The following EML6 variants were observed in gnomAD, a reference collection of about 807,000 sequenced individuals.
EML6 encodes the protein echinoderm microtubule-associated protein-like 6.
A neutral mutation model predicts 240.1 loss-of-function variants in EML6; 154 were observed. The ratio of observed to expected loss-of-function variants is 0.64; its 90% CI spans 0.56 to 0.73. EML6 has a LOEUF of 0.73. EML6 is among the 30% of genes least tolerant of loss of function. The pLI is 0.00. For missense variants in EML6, 2,964 were observed against 2,474.6 expected (o/e 1.20, Z -4.20); for synonymous variants, 1,148 against 899.0 (o/e 1.28, Z -4.95).
intron 2 of EML6, among the ~76,000 whole-genome samples, chr2:54,748,007 C>T (rs1558523120): frequency 1.3e-5 from 2 of 152,106 alleles, no homozygotes; most frequent in African/African-American, 2.4e-5. Flanking sequence ...GAAACTTTCA[C>T]TTTAAAATGT....
chr2:54,868,140 A>T (rs1409061288), intron 14 of EML6: 1 of 152,148 alleles, frequency 6.6e-6, no homozygotes, highest in African/African-American at 2.4e-5. Context: ...AATATCTTAG[A>T]TGTGTTTTGG....
chr2:54,819,573 T>A (rs1668232783), intron 4 of EML6, among the ~76,000 whole-genome samples: 1 of 152,018 alleles, frequency 6.6e-6, no homozygotes, highest in Non-Finnish European at 1.5e-5. Flanking sequence ...GTCACAAGAT[T>A]GAGACCAGCC....
At chr2:54,905,558 C>T (rs1029805096) in intron 24 of EML6, among the ~76,000 whole-genome samples, 9 of 151,996 alleles carry the variant, frequency 5.9e-5, no homozygotes, top group Admixed American at 2.6e-4. Flanking sequence ...AAAAATGTAC[C>T]ATTTTAATCA....
chr2:54,932,899 TA>T (rs1047249975), intron 28 of EML6, among the ~76,000 whole-genome samples: 1 of 152,128 alleles, frequency 6.6e-6, no homozygotes, highest in African/African-American at 2.4e-5. Flanking sequence ...ATTTATAACA[TA>T]GGGGCTTTCA....
At chr2:54,835,717 T>G (rs1316783466) in intron 7 of EML6, among the ~76,000 whole-genome samples, 1 of 152,100 alleles carries the variant, frequency 6.6e-6, no homozygotes, top group Non-Finnish European at 1.5e-5. Flanking sequence ...GAGTGATTTT[T>G]TGGACATTTG....
rs1366404133 is a variant in EML6 at position 54,970,511 on chromosome 2, T to C, written c.*416T>C. ...TTTCTATATACTTCAAGAATGTTCA[T>C]TTTTACAAATAAGTTGAACAAGACA... On this transcript the variant is annotated 3_prime_UTR_variant, in exon 42 of 42. Transcript: ENST00000356458. 4.6e-5 allele frequency: 8 copies of C among 174,840 alleles called. No homozygotes were observed. The highest frequency in any genetic ancestry group is 8.6e-5 in the Non-Finnish European group (7 of 81,134). 10.8% of individuals were successfully genotyped at this position (174,840 alleles called of 1,614,324 possible). A position where few individuals can be genotyped will look rare whatever the true frequency, so the allele number is the denominator to read the frequency against.
intron 2 of EML6, among the ~76,000 whole-genome samples, chr2:54,790,474 C>A (rs1333831310): frequency 6.6e-6 from 1 of 152,118 alleles, no homozygotes; most frequent in East Asian, 1.9e-4. Flanking sequence ...ACAATATTTG[C>A]ACTCTTAATC....
chr2:54,728,880 TC>T (rs1683028251), intron 2 of EML6, among the ~76,000 whole-genome samples: 1 of 152,176 alleles, frequency 6.6e-6, no homozygotes, highest in African/African-American at 2.4e-5. Flanking sequence ...ATTCTTTGCT[TC>T]CCACTTGCCA....
intron 2 of EML6, among the ~76,000 whole-genome samples, chr2:54,763,401 G>C (rs1455384656): frequency 6.6e-6 from 1 of 152,226 alleles, no homozygotes; most frequent in East Asian, 1.9e-4. Context: ...TATTCTTGTT[G>C]ATCTAATTGA....
intron 4 of EML6, among the ~76,000 whole-genome samples, chr2:54,818,844 G>C (rs548037298): frequency 6.6e-6 from 1 of 152,104 alleles, no homozygotes; most frequent in Admixed American, 6.5e-5. Flanking sequence ...ACATAATTTT[G>C]CTCTTTATTA....
At chr2:54,966,899 G>C in intron 38 of EML6, 101 bp from the exon 39 acceptor site, 1 of 719,944 alleles carries the variant, frequency 1.4e-6, no homozygotes, top group Non-Finnish European at 2.4e-6. Context: ...AAAAGCCCTA[G>C]GGATGCAGAG....
At chr2:54,926,423 C>T (rs2104379180) in intron 26 of EML6, among the ~76,000 whole-genome samples, 1 of 152,328 alleles carries the variant, frequency 6.6e-6, no homozygotes, top group African/African-American at 2.4e-5. Flanking sequence ...TTTTCTGGTG[C>T]TATCATCCAT....
intron 33 of EML6, among the ~76,000 whole-genome samples, chr2:54,958,687 G>C (rs1676350155): frequency 6.6e-6 from 1 of 152,106 alleles, no homozygotes; most frequent in African/African-American, 2.4e-5. Context: ...CCTTAAGTGG[G>C]CTATGGGGTG....
chr2:54,803,781 G>A (rs2578714), intron 2 of EML6, among the ~76,000 whole-genome samples: 126,834 of 152,134 alleles, frequency 0.83, 52,987 homozygotes, highest in Middle Eastern at 0.89. Context: ...CAGGATTTCA[G>A]TTTTGAAACA....
At chr2:54,929,701 TC>T (rs1674752849) in intron 28 of EML6, among the ~76,000 whole-genome samples, 1 of 148,646 alleles carries the variant, frequency 6.7e-6, no homozygotes, top group African/African-American at 2.5e-5. Context: ...AACCTCCTCC[TC>T]CTCCTCCTCC....
At chr2:54,801,195 C>T (rs776911740) in intron 2 of EML6, among the ~76,000 whole-genome samples, 2 of 151,878 alleles carry the variant, frequency 1.3e-5, no homozygotes, top group Non-Finnish European at 2.9e-5. Flanking sequence ...TGGTGGGCGC[C>T]TGTAGTCCCA....
intron 2 of EML6, among the ~76,000 whole-genome samples, chr2:54,796,909 C>T (rs1379850024): frequency 1.3e-5 from 2 of 151,744 alleles, no homozygotes; most frequent in Non-Finnish European, 1.5e-5. Context: ...AAAAGGTAAG[C>T]TCTGCAGCAC....
At chr2:54,941,326 C>T (rs1445023393) in intron 28 of EML6, among the ~76,000 whole-genome samples, 1 of 152,080 alleles carries the variant, frequency 6.6e-6, no homozygotes, top group African/African-American at 2.4e-5. Context: ...TTTTTTTAAA[C>T]GCCTTATTTA....
chr2:54,784,610 A>G (rs149381), intron 2 of EML6, among the ~76,000 whole-genome samples: 152,227 of 152,306 alleles, frequency 1, 76,074 homozygotes, highest in Middle Eastern at 1. Flanking sequence ...TACTAATAGC[A>G]TGCTGTTGAC....
Sources: gnomAD v4.1 joint callset for allele counts (sites outside exome capture counted in the v4.1 genomes callset) on GRCh38, gnomAD v4.1.1 for gene constraint, MANE v1.5 for transcripts, NCBI Gene and HGNC (gene_info 2026-07-23, HGNC 2026-07-21) for gene names.